Variants in GREB1L observed in about 807,000 individuals in gnomAD.
GREB1L encodes the protein GREB1-like protein.
GREB1L carries 17 observed loss-of-function variants against 200.8 expected under a neutral mutation model. The ratio of observed to expected loss-of-function variants is 0.08; its 90% CI spans 0.06 to 0.13. The LOEUF (loss-of-function observed/expected upper bound fraction) is 0.13. Among genes scored for constraint, GREB1L ranks in the 10% least tolerant of loss-of-function variants. The pLI, the probability that GREB1L is intolerant of heterozygous loss-of-function variation, is 1.00. For synonymous variants in GREB1L, 789 were observed against 893.0 expected (o/e 0.88, Z 2.08); for missense variants, 1,657 against 2,367.7 (o/e 0.70, Z 6.23).
At chr18:21,460,112 A>T (rs1414142700) in intron 15 of GREB1L, among the ~76,000 whole-genome samples, 2 of 152,002 alleles carry the variant, frequency 1.3e-5, no homozygotes, top group Non-Finnish European at 2.9e-5. Context: ...GGAAAAATCA[A>T]CCTTTCCAGT....
chr18:21,393,098 T>C (rs757911720), intron 4 of GREB1L, among the ~76,000 whole-genome samples: 5 of 152,168 alleles, frequency 3.3e-5, no homozygotes, highest in Non-Finnish European at 7.3e-5. Flanking sequence ...TGGTGTTTTC[T>C]TTTTTATTTC....
chr18:21,294,570 T>C (rs1459059282), intron 1 of GREB1L, among the ~76,000 whole-genome samples: 2 of 151,860 alleles, frequency 1.3e-5, no homozygotes, highest in Non-Finnish European at 2.9e-5. Context: ...GCCATGTGGC[T>C]TGGTAGGGTC....
intron 11 of GREB1L, among the ~76,000 whole-genome samples, chr18:21,445,474 C>CA (rs1047286177): frequency 7.6e-5 from 11 of 143,800 alleles, no homozygotes; most frequent in Admixed American, 3.5e-4. Flanking sequence ...AACTCCATCT[C>CA]AAAAAAAAAG....
intron 1 of GREB1L, among the ~76,000 whole-genome samples, chr18:21,328,187 G>A (rs1427655086): frequency 2.7e-5 from 4 of 147,954 alleles, no homozygotes; most frequent in Admixed American, 6.7e-5. Context: ...GCCCCCCCCC[G>A]TTCCCCAGGA....
intron 15 of GREB1L, chr18:21,468,735 C>CA (rs1183265708): frequency 2.2e-6 from 1 of 456,472 alleles, no homozygotes; most frequent in Non-Finnish European, 4.4e-6. Context: ...GGTTCCAGTC[C>CA]AGGTTCACAC....
At chr18:21,463,865 G>A (rs1329937321) in intron 15 of GREB1L, among the ~76,000 whole-genome samples, 1 of 152,222 alleles carries the variant, frequency 6.6e-6, no homozygotes, top group African/African-American at 2.4e-5. Context: ...CAGCTCTGAA[G>A]TGGAAACATT....
At chr18:21,412,446 A>T (rs575292598) in intron 7 of GREB1L, among the ~76,000 whole-genome samples, 2 of 152,250 alleles carry the variant, frequency 1.3e-5, no homozygotes, top group South Asian at 4.1e-4. Context: ...AAAATGAAAT[A>T]GCATATGGCA....
chr18:21,500,807 G>A (rs1174931244), intron 23 of GREB1L, among the ~76,000 whole-genome samples, 165 bp downstream of exon 23: 2 of 152,208 alleles, frequency 1.3e-5, no homozygotes, highest in Non-Finnish European at 2.9e-5. Flanking sequence ...GGCGGCTCAC[G>A]CCTGTAATTT....
At chr18:21,441,673 T>C in intron 10 of GREB1L, 136 bp downstream of exon 10, 1 of 871,670 alleles carries the variant, frequency 1.1e-6, no homozygotes, top group Non-Finnish European at 1.7e-6. Context: ...GGTCAGCTCT[T>C]TCATGCTATA....
Position 21,407,103 on chromosome 18 carries a change from G to A in GREB1L, c.832+3109G>A, listed in dbSNP as rs185494097. 1.0e-3 allele frequency among the ~76,000 whole-genome samples: 152 copies of A among 152,064 alleles called. 1 individual carries two copies. Among genetic ancestry groups the A allele is most frequent in the Admixed American group, 2.0e-3 (30 of 15,260 alleles). On this transcript the variant is annotated intron_variant, in intron 7 of 32. Coordinates refer to ENST00000424526, the MANE Select transcript of GREB1L (RefSeq NM_001142966.3). ...TTGGTCAGGCTGGTCTTGAACTCCC[G>A]ACCTCAGGTGATCCACCAGCCTTGG...
At chr18:21,375,748 C>T (rs1283943428) in intron 2 of GREB1L, among the ~76,000 whole-genome samples, 3 of 152,168 alleles carry the variant, frequency 2.0e-5, no homozygotes, top group African/African-American at 7.2e-5. Flanking sequence ...TCCTTAACTT[C>T]TCTAAGCCTC....
intron 7 of GREB1L, among the ~76,000 whole-genome samples, chr18:21,428,332 C>CTTTTTTTTTTTTTTTTTTTTTTTTTTT (rs59982674): frequency 1.1e-4 from 6 of 54,026 alleles, no homozygotes; most frequent in Non-Finnish European, 1.4e-4. Context: ...GTCTTTTTGT[C>CTTTTTTTTTTTTTTTTTTTTTTTTTTT]TTTTTTTTTT....
intron 16 of GREB1L, among the ~76,000 whole-genome samples, chr18:21,475,968 CTCAA>C (rs1357227886): frequency 7.0e-5 from 2 of 28,644 alleles, no homozygotes; most frequent in Non-Finnish European, 1.6e-4. Context: ...GAGACTCCGT[CTCAA>C]AAAAAAAAAA....
intron 15 of GREB1L, among the ~76,000 whole-genome samples, chr18:21,461,966 C>T (rs1310093469): frequency 2.0e-5 from 3 of 152,198 alleles, no homozygotes; most frequent in Non-Finnish European, 4.4e-5. Context: ...TTAATGTGTT[C>T]CCTAAAAGGT....
intron 27 of GREB1L, chr18:21,508,824 A>C (rs759454240): frequency 7.3e-5 from 40 of 549,394 alleles, no homozygotes; most frequent in Non-Finnish European, 5.5e-5. Flanking sequence ...ATTAAGGAAG[A>C]AGTCACTGGT....
rs1329487390 is a variant in GREB1L, at chr18:21,434,531, GTATA to G, written c.833-4984_833-4981del. Among the ~76,000 whole-genome samples, 448 of 107,822 alleles carry G rather than the reference GTATA, an allele frequency of 4.2e-3. 3 individuals are homozygous for G. Among genetic ancestry groups the G allele is most frequent in the African/African-American group, 0.014 (410 of 29,038 alleles). 70.7% of individuals were successfully genotyped at this position (107,822 alleles called of 152,430 possible). A position where few individuals can be genotyped will look rare whatever the true frequency, so the allele number is the denominator to read the frequency against. On this transcript the variant is annotated intron_variant, in intron 7 of 32. Coordinates refer to ENST00000424526, the MANE Select transcript of GREB1L (RefSeq NM_001142966.3). The stretch of plus-strand genomic sequence containing the variant: ...TGTGTGTGTGTGTGTGTGTGTGTGT[GTATA>G]TATATGTGTATATATATGTGTGTAT...
At chr18:21,269,712 CACTT>C (rs1374925947) in intron 1 of GREB1L, among the ~76,000 whole-genome samples, 1 of 152,086 alleles carries the variant, frequency 6.6e-6, no homozygotes, top group African/African-American at 2.4e-5. Flanking sequence ...ATTTTTAACT[CACTT>C]AAAAGAATAT....
chr18:21,506,907 TC>T (rs2037041713), intron 25 of GREB1L, among the ~76,000 whole-genome samples: 1 of 152,156 alleles, frequency 6.6e-6, no homozygotes. Context: ...CCCAAATTCA[TC>T]TTTATTTTTA....
At chr18:21,423,793 G>T (rs2032351536) in intron 7 of GREB1L, among the ~76,000 whole-genome samples, 1 of 152,136 alleles carries the variant, frequency 6.6e-6, no homozygotes, top group South Asian at 2.1e-4. Context: ...AAGGAGTTGA[G>T]GCTGCAGTGA....
Sources: allele counts gnomAD v4.1 joint callset (sites outside exome capture counted in the v4.1 genomes callset), GRCh38; gene constraint gnomAD v4.1.1; transcripts MANE v1.5; gene names NCBI Gene and HGNC (gene_info 2026-07-23, HGNC 2026-07-21).